The following AFF3 variants were observed in gnomAD, a reference collection of about 807,000 sequenced individuals.
AFF3 encodes the protein AF4/FMR2 family member 3.
In AFF3, 32 loss-of-function variants were observed where a neutral mutation model predicts 129.7. That is an observed-to-expected ratio of 0.25 (90% confidence interval 0.19 to 0.33). The LOEUF (loss-of-function observed/expected upper bound fraction) is 0.33. Among genes scored for constraint, AFF3 ranks in the 10% least tolerant of loss-of-function variants. The probability of loss-of-function intolerance (pLI) is 1.00; values close to 1 mark genes in which losing one functional copy is unlikely to be tolerated. For missense variants in AFF3, 1,373 were observed against 1,592.0 expected (o/e 0.86, Z 2.34); for synonymous variants, 644 against 635.4 (o/e 1.01, Z -0.20).
At chr2:99,898,550 G>A (rs1055861090) in intron 7 of AFF3, among the ~76,000 whole-genome samples, 10 of 152,108 alleles carry the variant, frequency 6.6e-5, no homozygotes, top group African/African-American at 2.4e-4. Context: ...ACTGGATCTG[G>A]GGCAACTTCT....
chr2:99,621,423 T>C (rs1243046976), intron 13 of AFF3, among the ~76,000 whole-genome samples: 2 of 152,200 alleles, frequency 1.3e-5, no homozygotes, highest in East Asian at 1.9e-4. Flanking sequence ...ACTTGCTGTA[T>C]ATAAAGTGGC....
intron 7 of AFF3, among the ~76,000 whole-genome samples, chr2:99,838,150 G>C (rs1314786217): frequency 1.3e-5 from 2 of 152,108 alleles, no homozygotes; most frequent in African/African-American, 4.8e-5. Flanking sequence ...GTGGCTTCAG[G>C]TCACAGCCGA....
At chr2:99,954,741 A>T (rs1676469456) in intron 7 of AFF3, among the ~76,000 whole-genome samples, 1 of 125,806 alleles carries the variant, frequency 7.9e-6, no homozygotes, top group African/African-American at 3.1e-5. Context: ...CAGGAAGGGG[A>T]ACATCACACT....
chr2:99,690,448 T>C (rs921134854), intron 11 of AFF3, among the ~76,000 whole-genome samples: 1 of 152,056 alleles, frequency 6.6e-6, no homozygotes, highest in Non-Finnish European at 1.5e-5. Context: ...CCCAAAGTGC[T>C]GGGATTACAG....
chr2:100,008,131 G>C (rs772744466), intron 5 of AFF3, among the ~76,000 whole-genome samples: 1 of 152,156 alleles, frequency 6.6e-6, no homozygotes, highest in Non-Finnish European at 1.5e-5. Context: ...TTGTAGTCCC[G>C]TTAGAAGCTT....
intron 12 of AFF3, among the ~76,000 whole-genome samples, chr2:99,659,599 C>T (rs1048148598): frequency 2.6e-5 from 4 of 152,086 alleles, no homozygotes; most frequent in Admixed American, 6.5e-5. Flanking sequence ...GAAAGTAAAT[C>T]GCCACTAATA....
chr2:99,836,723 C>T (rs148668708), intron 8 of AFF3, among the ~76,000 whole-genome samples: 38 of 150,070 alleles, frequency 2.5e-4, no homozygotes, highest in Admixed American at 2.5e-3. Flanking sequence ...TTTTTTTTTA[C>T]AGTAAAATTC....
At chr2:99,931,092 T>G (rs969334422) in intron 7 of AFF3, among the ~76,000 whole-genome samples, 1 of 152,194 alleles carries the variant, frequency 6.6e-6, no homozygotes, top group Non-Finnish European at 1.5e-5. Context: ...TAAATAACCA[T>G]GGATTATCAT....
At chr2:99,727,671 C>G (rs957846418) in intron 10 of AFF3, among the ~76,000 whole-genome samples, 18 of 151,896 alleles carry the variant, frequency 1.2e-4, no homozygotes, top group Admixed American at 5.9e-4. Flanking sequence ...AAGCAATTCT[C>G]CAGTCTCAGC....
chr2:99,584,901 C>T (rs1227852286), intron 16 of AFF3, among the ~76,000 whole-genome samples: 1 of 152,180 alleles, frequency 6.6e-6, no homozygotes, highest in Non-Finnish European at 1.5e-5. Flanking sequence ...CTGGTGGTCA[C>T]AGTGGAGAAA....
chr2:99,924,425 T>C (rs967988366), intron 7 of AFF3, among the ~76,000 whole-genome samples: 6 of 152,334 alleles, frequency 3.9e-5, no homozygotes, highest in Admixed American at 6.5e-5. Context: ...AGCATCTTTA[T>C]TATAGCTCCT....
intron 7 of AFF3, among the ~76,000 whole-genome samples, chr2:99,869,353 T>C (rs922995107): frequency 6.9e-6 from 1 of 145,892 alleles, no homozygotes; most frequent in Non-Finnish European, 1.5e-5. Flanking sequence ...AGGCCTTCCA[T>C]AAAAAGAAGG....
intron 4 of AFF3, among the ~76,000 whole-genome samples, chr2:100,094,355 G>A (rs1463136273): frequency 1.3e-5 from 2 of 152,048 alleles, no homozygotes; most frequent in Non-Finnish European, 2.9e-5. Context: ...GGGGTGATGG[G>A]AGACAGTTAC....
chr2:99,718,575 T>C (rs761996783), intron 11 of AFF3, among the ~76,000 whole-genome samples: 2 of 152,142 alleles, frequency 1.3e-5, no homozygotes, highest in African/African-American at 2.4e-5. Flanking sequence ...CCATAAACAG[T>C]AATTATTTTC....
chr2:100,028,463 ATT>A (rs1684227836), intron 4 of AFF3, among the ~76,000 whole-genome samples: 1 of 152,118 alleles, frequency 6.6e-6, no homozygotes, highest in Non-Finnish European at 1.5e-5. Flanking sequence ...CCTCAATAAT[ATT>A]TAATGACACA....
intron 7 of AFF3, among the ~76,000 whole-genome samples, chr2:99,916,980 C>A (rs566078106): frequency 6.6e-6 from 1 of 152,284 alleles, no homozygotes; most frequent in African/African-American, 2.4e-5. Context: ...TTCTGTGCAT[C>A]TCTGCTCTTG....
chr2:99,586,018 C>T (rs148916511), intron 16 of AFF3, among the ~76,000 whole-genome samples: 47 of 152,310 alleles, frequency 3.1e-4, no homozygotes, highest in African/African-American at 1.1e-3. Context: ...CGTGAGCCAC[C>T]GCACCCGGCC....
Position 100,068,367 on chromosome 2 carries a change from A to C in AFF3, c.53+36035T>G, listed in dbSNP as rs566764040. Among the ~76,000 whole-genome samples, 4 of 152,336 alleles carry C rather than the reference A, an allele frequency of 2.6e-5. No homozygotes were observed. In the East Asian group the frequency reaches 7.7e-4, roughly 29 times the overall value. ...ATCTGCCACTGGGAGAAACAGCCAT[A>C]GCTTCTGATGAGCTAGGAAGATTTT... On this transcript the variant is annotated intron_variant, in intron 4 of 24. Transcript: ENST00000672756.
At chr2:99,850,601 G>A (rs1264516499) in intron 7 of AFF3, among the ~76,000 whole-genome samples, 1 of 152,172 alleles carries the variant, frequency 6.6e-6, no homozygotes, top group East Asian at 1.9e-4. Flanking sequence ...TCAATCAGAA[G>A]TTAAATGATT....
Sources: gnomAD v4.1 joint callset for allele counts (sites outside exome capture counted in the v4.1 genomes callset) on GRCh38, gnomAD v4.1.1 for gene constraint, MANE v1.5 for transcripts, NCBI Gene and HGNC (gene_info 2026-07-23, HGNC 2026-07-21) for gene names.